Variants in NAA25 observed in about 807,000 individuals in gnomAD.
NAA25 encodes the protein N-terminal acetyltransferase B complex subunit NAA25.
A neutral mutation model predicts 132.5 loss-of-function variants in NAA25; 30 were observed. The ratio of observed to expected loss-of-function variants is 0.23; its 90% CI spans 0.17 to 0.31. The LOEUF (loss-of-function observed/expected upper bound fraction) is 0.31, where lower values mean the gene tolerates loss of function less well. Ranked by LOEUF, NAA25 falls within the 10% of genes least tolerant of loss-of-function variation. The pLI is 1.00. For synonymous variants in NAA25, 359 were observed against 401.9 expected (o/e 0.89, Z 1.28); for missense variants, 771 against 1,150.4 (o/e 0.67, Z 4.77).
At chr12:112,073,089 C>G (rs1359853627) in intron 9 of NAA25, among the ~76,000 whole-genome samples, 2 of 151,806 alleles carry the variant, frequency 1.3e-5, no homozygotes, top group African/African-American at 4.8e-5. Flanking sequence ...CAAAAATTAG[C>G]CAGGCGTGGT....
intron 1 of NAA25, among the ~76,000 whole-genome samples, chr12:112,098,779 T>C (rs1218154380): frequency 6.6e-6 from 1 of 152,178 alleles, no homozygotes; most frequent in East Asian, 1.9e-4. Context: ...CTTTCTTTTT[T>C]TTGAGACTCG....
At chr12:112,082,173 G>A (rs574830994) in intron 4 of NAA25, among the ~76,000 whole-genome samples, 2 of 152,206 alleles carry the variant, frequency 1.3e-5, no homozygotes, top group South Asian at 4.1e-4. Flanking sequence ...GCTTGAACCC[G>A]GGAGGCAGAG....
intron 1 of NAA25, among the ~76,000 whole-genome samples, chr12:112,094,175 A>G (rs901406475): frequency 4.8e-5 from 7 of 145,062 alleles, no homozygotes; most frequent in Non-Finnish European, 9.0e-5. Flanking sequence ...CAGGAGGCGG[A>G]GCTTACAGTG....
Position 112,029,499 on chromosome 12 carries a change from C to T in NAA25, c.*32G>A. 1 of 1,613,482 alleles carries T rather than the reference C, an allele frequency of 6.2e-7. No homozygotes were observed. Among genetic ancestry groups the T allele is most frequent in the Non-Finnish European group, 8.5e-7 (1 of 1,179,750 alleles). On this transcript the variant is annotated 3_prime_UTR_variant, in exon 24 of 24. Coordinates refer to ENST00000261745, the MANE Select transcript of NAA25 (RefSeq NM_024953.4). ...GGGAAGATGGTGTCATATTCTGTTG[C>T]AGAGTCATCAGTGCCCATGATAGAT... is the stretch of plus-strand genomic sequence containing the variant.
intron 3 of NAA25, 74 bp from the exon 4 acceptor site, chr12:112,087,875 G>T: frequency 1.0e-6 from 1 of 955,256 alleles, no homozygotes; most frequent in Non-Finnish European, 1.7e-6. Flanking sequence ...CTTCCTATTT[G>T]GCAGAAATAG....
chr12:112,045,436 G>A (rs999009199), intron 17 of NAA25, among the ~76,000 whole-genome samples: 22 of 149,610 alleles, frequency 1.5e-4, no homozygotes, highest in African/African-American at 3.9e-4. Context: ...GCAGTGAGCC[G>A]AGATTGCGCC....
Position 112,047,583 on chromosome 12 carries a change from G to A in NAA25, c.2006+82C>T, listed in dbSNP as rs1593761886. The stretch of plus-strand genomic sequence containing the variant: ...CTTCACCCAGGAGTTCGAAGCTGCA[G>A]TGAGCTATGATCTTGGTCTCTTTAA... On this transcript the variant is annotated intron_variant, in intron 17 of 23. Coordinates refer to ENST00000261745, the MANE Select transcript of NAA25 (RefSeq NM_024953.4). 2.0e-6 allele frequency: 3 copies of A among 1,506,594 alleles called. No homozygotes were observed. In the East Asian group the frequency reaches 6.9e-5, roughly 35 times the overall value. The allele number at this position is 1,506,594 out of a possible 1,614,324, so 93.3% of individuals were successfully genotyped here.
chr12:112,068,460 A>C (rs1418017962), intron 11 of NAA25, among the ~76,000 whole-genome samples: 2 of 152,204 alleles, frequency 1.3e-5, no homozygotes, highest in Non-Finnish European at 2.9e-5. Flanking sequence ...GCAAAAACTG[A>C]GTAAGTTCAA....
intron 10 of NAA25, among the ~76,000 whole-genome samples, chr12:112,070,905 C>A (rs1425986176): frequency 6.6e-6 from 1 of 152,200 alleles, no homozygotes; most frequent in East Asian, 1.9e-4. Flanking sequence ...TGCCACCATG[C>A]CTGGCTAATT....
intron 7 of NAA25, among the ~76,000 whole-genome samples, chr12:112,077,449 G>C (rs923054563): frequency 2.0e-5 from 3 of 150,688 alleles, no homozygotes; most frequent in Non-Finnish European, 4.4e-5. Flanking sequence ...CTCTAGCCTG[G>C]CCACAGAGTG....
intron 1 of NAA25, among the ~76,000 whole-genome samples, chr12:112,106,689 G>C (rs1035318697): frequency 6.6e-6 from 1 of 152,120 alleles, no homozygotes; most frequent in African/African-American, 2.4e-5. Context: ...AGGCACAGTG[G>C]CTCACACCTG....
At chr12:112,033,209 T>G (rs552554929) in intron 23 of NAA25, 24 bp downstream of exon 23, 1 of 1,586,652 alleles carries the variant, frequency 6.3e-7, no homozygotes, top group East Asian at 2.2e-5. Flanking sequence ...TAGAAAACAT[T>G]GCCGATTGCC....
chr12:112,062,883 A>AAAACAAAC (rs1228035717), intron 11 of NAA25, among the ~76,000 whole-genome samples: 1 of 151,784 alleles, frequency 6.6e-6, no homozygotes, highest in African/African-American at 2.4e-5. Context: ...CTCTACTAAA[A>AAAACAAAC]AAACAAACAA....
At chr12:112,045,911 T>A (rs573474100) in intron 17 of NAA25, among the ~76,000 whole-genome samples, 5 of 152,218 alleles carry the variant, frequency 3.3e-5, no homozygotes, top group Non-Finnish European at 7.3e-5. Flanking sequence ...ATAGTATGTA[T>A]GCAACTTAAG....
chr12:112,055,388 G>A (rs2078530698), intron 13 of NAA25, among the ~76,000 whole-genome samples: 1 of 152,126 alleles, frequency 6.6e-6, no homozygotes, highest in Non-Finnish European at 1.5e-5. Context: ...AAGAGAGAGA[G>A]AAGAAGAAAA....
At chr12:112,092,590 C>A (rs2079149996) in intron 2 of NAA25, among the ~76,000 whole-genome samples, 1 of 152,178 alleles carries the variant, frequency 6.6e-6, no homozygotes, top group Admixed American at 6.5e-5. Context: ...CAAGCCACTG[C>A]ACTCCAGCCT....
chr12:112,083,266 G>T (rs1245356307), intron 4 of NAA25, among the ~76,000 whole-genome samples: 3 of 152,132 alleles, frequency 2.0e-5, no homozygotes, highest in Non-Finnish European at 4.4e-5. Flanking sequence ...GATCACCTGA[G>T]GTCAGGAGTT....
intron 19 of NAA25, among the ~76,000 whole-genome samples, chr12:112,042,809 C>G (rs997557382): frequency 6.6e-6 from 1 of 152,210 alleles, no homozygotes; most frequent in Non-Finnish European, 1.5e-5. Context: ...GCCCAGCCTA[C>G]TGCTTCATTT....
chr12:112,087,522 A>G (rs530987552), intron 4 of NAA25, among the ~76,000 whole-genome samples, 161 bp downstream of exon 4: 5 of 152,390 alleles, frequency 3.3e-5, no homozygotes, highest in African/African-American at 1.2e-4. Context: ...TAATAGTTCA[A>G]CTTTAAACAC....
Sources: gnomAD v4.1 joint callset for allele counts (sites outside exome capture counted in the v4.1 genomes callset) on GRCh38, gnomAD v4.1.1 for gene constraint, MANE v1.5 for transcripts, NCBI Gene and HGNC (gene_info 2026-07-23, HGNC 2026-07-21) for gene names.